The following FRAS1 variants were observed in gnomAD, a reference collection of about 807,000 sequenced individuals.
FRAS1 encodes the protein extracellular matrix organizing protein FRAS1.
FRAS1 carries 290 observed loss-of-function variants against 435.2 expected under a neutral mutation model. The observed-to-expected ratio is 0.67, with a 90% CI of 0.61 to 0.73. FRAS1 has a LOEUF of 0.73. Among genes scored for constraint, FRAS1 ranks in the 30% least tolerant of loss-of-function variants. The pLI, the probability that FRAS1 is intolerant of heterozygous loss-of-function variation, is 0.00. For missense variants in FRAS1, 4,860 were observed against 5,001.5 expected (o/e 0.97, Z 0.85); for synonymous variants, 1,800 against 1,851.0 (o/e 0.97, Z 0.71).
intron 59 of FRAS1, among the ~76,000 whole-genome samples, chr4:78,493,514 A>G (rs1367553862): frequency 6.6e-6 from 1 of 152,180 alleles, no homozygotes; most frequent in Non-Finnish European, 1.5e-5. Flanking sequence ...AGGGACACGG[A>G]TGAAGCTGGA....
intron 59 of FRAS1, among the ~76,000 whole-genome samples, chr4:78,494,206 A>G (rs910764209): frequency 4.6e-5 from 7 of 152,052 alleles, no homozygotes; most frequent in Admixed American, 1.3e-4. Context: ...TTACTCAGCA[A>G]TGTTTTGAGA....
chr4:78,424,632 A>G (rs1482559688), intron 35 of FRAS1, among the ~76,000 whole-genome samples: 1 of 152,148 alleles, frequency 6.6e-6, no homozygotes, highest in Non-Finnish European at 1.5e-5. Context: ...AAAAAAATCT[A>G]CCAATGATGC....
In FRAS1 at chr4:78,537,107, T is replaced by G; in HGVS notation, c.11205T>G (p.Pro3735=). 1 of 1,614,028 alleles carries G rather than the reference T, an allele frequency of 6.2e-7. No individual in the cohort carries two copies. Among genetic ancestry groups the G allele is most frequent in the Non-Finnish European group, 8.5e-7 (1 of 1,179,890 alleles). Reference sequence around the variant, plus strand: ...GTACGGGCAAGGATGGTTATGTGCCTTTCTTTGATCCCACGGGGACAATCT... The same window carrying G: ...GTACGGGCAAGGATGGTTATGTGCCGTTCTTTGATCCCACGGGGACAATCT... ...YLCTGKDGYV[P]FFDPTGTIYN... Residue 3735 remains proline (P), a synonymous_variant, in exon 72 of 74, where the codon CCT becomes CCG. Transcript: ENST00000512123.
chr4:78,138,269 A>G (rs1720010489), intron 2 of FRAS1, among the ~76,000 whole-genome samples: 1 of 152,122 alleles, frequency 6.6e-6, no homozygotes, highest in Non-Finnish European at 1.5e-5. Context: ...TCATAGTCCT[A>G]TTTCACCCAA....
At chr4:78,363,365 A>T (rs752119045) in intron 20 of FRAS1, 148 bp from the exon 21 acceptor site, 30 of 715,642 alleles carry the variant, frequency 4.2e-5, no homozygotes, top group Non-Finnish European at 6.6e-5. Flanking sequence ...CCAAGCTTCT[A>T]CTTTACTGAT....
intron 2 of FRAS1, among the ~76,000 whole-genome samples, chr4:78,186,466 T>A (rs561276251): frequency 1.3e-5 from 2 of 152,346 alleles, no homozygotes; most frequent in African/African-American, 4.8e-5. Flanking sequence ...GGAGCCACCG[T>A]ATTAAGTTTG....
intron 2 of FRAS1, among the ~76,000 whole-genome samples, chr4:78,196,761 G>A (rs2110070819): frequency 6.6e-6 from 1 of 152,284 alleles, no homozygotes; most frequent in East Asian, 1.9e-4. Context: ...AAACGTATGT[G>A]AAGTATTTGG....
At chr4:78,140,623 G>GTATACGCATATACATATGTGTATATGTA (rs1203444973) in intron 2 of FRAS1, among the ~76,000 whole-genome samples, 1 of 151,366 alleles carries the variant, frequency 6.6e-6, no homozygotes, top group African/African-American at 2.4e-5. Flanking sequence ...ATATATATGT[G>GTATACGCATATACATATGTGTATATGTA]TATACGCATA....
At chr4:78,507,740 C>A in intron 62 of FRAS1, 132 bp downstream of exon 62, 1 of 824,352 alleles carries the variant, frequency 1.2e-6, no homozygotes, top group Non-Finnish European at 1.8e-6. Flanking sequence ...TGCCTTCCAT[C>A]ATCCCCTTTC....
At chr4:78,064,656 A>G (rs1472361169) in intron 1 of FRAS1, among the ~76,000 whole-genome samples, 1 of 152,086 alleles carries the variant, frequency 6.6e-6, no homozygotes, top group African/African-American at 2.4e-5. Flanking sequence ...ATTTCAATAA[A>G]TTTGCCCACA....
Position 78,379,892 on chromosome 4 carries a change from C to T in FRAS1, c.3459C>T (p.Leu1153=). ...CTCCCACCAATGGTCAGCTAGTGCT[C>T]TCAAGAAATGGAAAAGAGGTTCAGC... ...VSTPTNGQLV[L]SRNGKEVQLD... Residue 1153 remains leucine, a synonymous_variant, in exon 27 of 74, where the codon CTC becomes CTT. Transcript: ENST00000512123. The T allele has an allele frequency of 1.9e-6, 3 of 1,613,884 alleles. No homozygotes were observed. The highest frequency in any genetic ancestry group is 2.5e-6 in the Non-Finnish European group (3 of 1,179,852).
chr4:78,508,853 C>A lies in FRAS1; in HGVS notation c.9627C>A (p.Tyr3209Ter), dbSNP rs377369857. The part of the protein sequence containing the change: ...VTPCDPHFPR[Y>*]AVMKERCSEA... The stretch of plus-strand genomic sequence containing the variant: ...CCTGCGACCCTCATTTCCCCAGATA[C>A]GCTGTCATGAAGGAGCGCTGCAGTG... The change falls in exon 63 of 74, where the codon TAC becomes TAA. Residue 3209 changes from tyrosine to a stop codon, truncating the protein, a stop_gained. Transcript: ENST00000512123. LOFTEE classifies it high-confidence loss of function. 2 of 1,613,848 alleles carry A rather than the reference C, an allele frequency of 1.2e-6. No individual in the cohort carries two copies. The highest frequency in any genetic ancestry group is 1.7e-6 in the Non-Finnish European group (2 of 1,179,836).
At chr4:78,310,976 G>C (rs1480087347) in intron 15 of FRAS1, among the ~76,000 whole-genome samples, 1 of 152,126 alleles carries the variant, frequency 6.6e-6, no homozygotes, top group Non-Finnish European at 1.5e-5. Context: ...ACAGTAACCA[G>C]GTTCACCTGT....
rs775483306 is a variant in FRAS1, at chr4:78,375,832, A to G, written c.3245A>G (p.Asn1082Ser). The G allele has an allele frequency of 6.2e-7, 1 of 1,613,788 alleles. No homozygotes were observed. The highest frequency in any genetic ancestry group is 1.7e-5 in the Admixed American group (1 of 59,988). ...CTGAAGAGTGGCCTCTGTGTTTACA[A>G]CTGTGTTCCTGGCTTTTCTGTCCAC... ...FFLKSGLCVY[N>S]CVPGFSVHTS... The change falls in exon 26 of 74, where the codon AAC becomes AGC. Residue 1082 changes from asparagine (N) to serine (S), a missense_variant. Asn to Ser is a conservative substitution (Grantham distance 46). Transcript: ENST00000512123.
intron 47 of FRAS1, among the ~76,000 whole-genome samples, chr4:78,457,187 C>A (rs1048715691): frequency 6.6e-6 from 1 of 152,168 alleles, no homozygotes; most frequent in Admixed American, 6.5e-5. Context: ...TGCTGATGGG[C>A]AACCTGGGGA....
intron 17 of FRAS1, among the ~76,000 whole-genome samples, chr4:78,317,754 TATTAA>T (rs1729338772): frequency 6.6e-6 from 1 of 152,186 alleles, no homozygotes; most frequent in South Asian, 2.1e-4. Flanking sequence ...TTAGGGGGAA[TATTAA>T]ATTAAACAAA....
chr4:78,278,558 T>C (rs1021859470), intron 9 of FRAS1, 97 bp from the exon 10 acceptor site: 19 of 715,466 alleles, frequency 2.7e-5, no homozygotes, highest in Non-Finnish European at 4.8e-5. Context: ...TGCCAGCGTT[T>C]CTTATTCCAG....
Position 78,308,187 on chromosome 4 carries a change from C to T in FRAS1, c.1656C>T (p.Tyr552=), listed in dbSNP as rs576322384. The stretch of plus-strand genomic sequence containing the variant: ...AGAGCAGCTGTGGAAAAGGCTTCTA[C>T]AACAGGCAGGGCACCTGTAGCGGTG... ...GCESSCGKGF[Y]NRQGTCSACD... The change falls in exon 15 of 74, where the codon TAC becomes TAT. Residue 552 remains tyrosine, a synonymous_variant. Coordinates refer to ENST00000512123, the MANE Select transcript of FRAS1 (RefSeq NM_025074.7). 1 of 1,613,936 alleles carries T rather than the reference C, an allele frequency of 6.2e-7. No homozygotes were observed. The highest frequency in any genetic ancestry group is 8.5e-7 in the Non-Finnish European group (1 of 1,179,866).
intron 2 of FRAS1, among the ~76,000 whole-genome samples, chr4:78,136,955 T>C (rs1452151742): frequency 6.6e-6 from 1 of 152,184 alleles, no homozygotes; most frequent in Non-Finnish European, 1.5e-5. Context: ...TGAGACTTCA[T>C]GAGAAGTCTT....
Sources: allele counts gnomAD v4.1 joint callset (sites outside exome capture counted in the v4.1 genomes callset), GRCh38; gene constraint gnomAD v4.1.1; transcripts MANE v1.5; gene names NCBI Gene and HGNC (gene_info 2026-07-23, HGNC 2026-07-21).